TNFRSF1A: variants seen among roughly 807,000 people sequenced by gnomAD.
TNFRSF1A encodes the protein tumor necrosis factor receptor superfamily member 1A.
TNFRSF1A carries 9 observed loss-of-function variants against 41.6 expected under a neutral mutation model. That is an observed-to-expected ratio of 0.22 (90% confidence interval 0.13 to 0.38). The LOEUF (loss-of-function observed/expected upper bound fraction) is 0.38, where lower values mean the gene tolerates loss of function less well. TNFRSF1A is among the 10% of genes least tolerant of loss of function. TNFRSF1A has a pLI of 1.00. For missense variants in TNFRSF1A, 463 were observed against 591.5 expected, an observed-to-expected ratio of 0.78 and a Z score of 2.25; for synonymous variants, 254 against 248.6, an observed-to-expected ratio of 1.02 and a Z score of -0.21.
At position 6,333,131 on chromosome 12, in the gene TNFRSF1A, G is replaced by A. The variant is rs1948071514; in HGVS notation, c.489C>T (p.Asn163=). Residue 163 remains asparagine (N), a synonymous_variant, in exon 5 of 10, where the codon AAC becomes AAT. Transcript: ENST00000162749. This position sits in a 1 kb window ranked among gnomAD's most constrained non-coding sequence, Gnocchi z 6.3. ...AACCTGCATGGCAGGTGCACACGGT[G>A]TTCTGTTTCTCCTGGCCTGTAGGGA... ...TVHLSCQEKQ[N]TVCTCHAGFF... is the part of the protein sequence containing the mutation. 6.2e-7 allele frequency: 1 copy of A among 1,614,252 alleles called. No homozygotes were observed. Among genetic ancestry groups the A allele is most frequent in the Non-Finnish European group, 8.5e-7 (1 of 1,180,046 alleles).
chr12:6,339,239 C>T (rs1012522799), intron 1 of TNFRSF1A, among the ~76,000 whole-genome samples: 1 of 152,174 alleles, frequency 6.6e-6, no homozygotes, highest in South Asian at 2.1e-4. Flanking sequence ...TTATAGCTAC[C>T]CTGACAGGCA....
chr12:6,330,137 G>A, intron 8 of TNFRSF1A, 71 bp from the exon 9 acceptor site: 1 of 1,610,912 alleles, frequency 6.2e-7, no homozygotes, highest in South Asian at 1.1e-5. Flanking sequence ...TATTCTACGT[G>A]GGGGTTGGGA....
chr12:6,340,721 G>T (rs1412403919), intron 1 of TNFRSF1A, among the ~76,000 whole-genome samples: 1 of 152,176 alleles, frequency 6.6e-6, no homozygotes, highest in Non-Finnish European at 1.5e-5. Flanking sequence ...AAGAGTATAA[G>T]GCACTAAAGA....
chr12:6,330,727 G>T lies in TNFRSF1A; in HGVS notation c.626-16C>A. The T allele has an allele frequency of 1.2e-6, 2 of 1,607,624 alleles. No individual in the cohort carries two copies. Among genetic ancestry groups the T allele is most frequent in the Non-Finnish European group, 1.7e-6 (2 of 1,174,136 alleles). The stretch of plus-strand genomic sequence containing the variant: ...ACTGTGGTGCCTGCAGACAAAGCAG[G>T]TGTTGGTCAGAGGAGCGGGCAGAGG... On this transcript the variant is annotated splice_polypyrimidine_tract_variant and intron_variant, in intron 6 of 9. Coordinates refer to ENST00000162749, the MANE Select transcript of TNFRSF1A (RefSeq NM_001065.4).
chr12:6,341,304 T>C lies in TNFRSF1A; in HGVS notation c.39+472A>G, dbSNP rs1948191645. On this transcript the variant is annotated intron_variant, in intron 1 of 9. Transcript: ENST00000162749. The surrounding 1 kb of genome is among the most constrained non-coding windows in gnomAD (Gnocchi z 4.6). The stretch of plus-strand genomic sequence containing the variant: ...CGCCAAAATCCTGCCCTACAGGGTG[T>C]GCTCCACCAAGTTCCACAGGCAGCC... Among the ~76,000 whole-genome samples, 1 of 152,088 alleles carries C rather than the reference T, an allele frequency of 6.6e-6. No individual in the cohort carries two copies. The highest frequency in any genetic ancestry group is 2.4e-5 in the African/African-American group (1 of 41,420).
chr12:6,337,997 TC>T lies in TNFRSF1A; in HGVS notation c.40-3754del, dbSNP rs34145452. On this transcript the variant is annotated intron_variant, in intron 1 of 9. Coordinates refer to ENST00000162749, the MANE Select transcript of TNFRSF1A (RefSeq NM_001065.4). The surrounding 1 kb of genome is among the most constrained non-coding windows in gnomAD (Gnocchi z 4.6). ...TCTCCGGGGGAGAGTTTTCAGACCA[TC>T]CCCCCACCTCCCCACACACAAGCAC... Among the ~76,000 whole-genome samples the T allele has an allele frequency of 6.6e-6, 1 of 151,820 alleles. No homozygotes were observed. The highest frequency in any genetic ancestry group is 1.5e-5 in the Non-Finnish European group (1 of 67,942).
At chr12:6,330,175 A>G (rs755581100) in intron 8 of TNFRSF1A, 92 bp downstream of exon 8, 2 of 1,612,474 alleles carry the variant, frequency 1.2e-6, no homozygotes, top group Non-Finnish European at 1.7e-6. Flanking sequence ...GAGCCCCCGG[A>G]AAGTGAAGGA....
chr12:6,329,809 CT>C lies in TNFRSF1A; in HGVS notation c.1025del (p.Glu342GlyfsTer10). 6.2e-7 allele frequency: 1 copy of C among 1,603,662 alleles called. No homozygotes were observed. Among genetic ancestry groups the C allele is most frequent in the Non-Finnish European group, 8.5e-7 (1 of 1,176,568 alleles). On this transcript the variant is annotated frameshift_variant, in exon 9 of 10. Transcript: ENST00000162749. LOFTEE classifies it low-confidence loss of function (END_TRUNC). ...DPIPNPLQKWEDSAHKPQSLD... is the reference protein window; with the variant it reads ...DPIPNPLQKWXDSAHKPQSLD... ...GGCTCTGTGGCTTGTGGGCGCTGTC[CT>C]CCCACTTCTGAAGGGGGTTGGGGAT...
intron 9 of TNFRSF1A, 30 bp downstream of exon 9, chr12:6,329,748 T>C (rs1948011039): frequency 6.3e-7 from 1 of 1,584,714 alleles, no homozygotes; most frequent in Non-Finnish European, 8.6e-7. Context: ...TCCCCCAGCC[T>C]CCTCGTCTCC....
Position 6,334,137 on chromosome 12 carries a change from A to G in TNFRSF1A, c.147T>C (p.Tyr49=), listed in dbSNP as rs150511666. The G allele has an allele frequency of 1.9e-4, 301 of 1,614,058 alleles. 1 individual carries two copies. The highest frequency in any genetic ancestry group is 2.4e-4 in the Non-Finnish European group (289 of 1,180,034). ...KRDSVCPQGK[Y]IHPQNNSICC... ...AAATCGAATTATTTTGAGGGTGGAT[A>G]TATTTTCCTTGGGGACACACACTAT... Residue 49 remains tyrosine, a synonymous_variant, in exon 2 of 10, where the codon TAT becomes TAC. Coordinates refer to ENST00000162749, the MANE Select transcript of TNFRSF1A (RefSeq NM_001065.4). This position sits in a 1 kb window ranked among gnomAD's most constrained non-coding sequence, Gnocchi z 5.1.
At chr12:6,330,129 T>C (rs544478809) in intron 8 of TNFRSF1A, 63 bp from the exon 9 acceptor site, 4 of 1,612,328 alleles carry the variant, frequency 2.5e-6, no homozygotes, top group South Asian at 2.2e-5. Flanking sequence ...GCCCTCTTTA[T>C]TCTACGTGGG....
intron 1 of TNFRSF1A, among the ~76,000 whole-genome samples, chr12:6,336,638 C>G (rs1948123544): frequency 6.6e-6 from 1 of 152,190 alleles, no homozygotes; most frequent in Non-Finnish European, 1.5e-5. Flanking sequence ...AAGTCTCCCT[C>G]GACCCTGGCT....
In TNFRSF1A at chr12:6,329,232, AC is replaced by A; in HGVS notation, c.*79del. On this transcript the variant is annotated 3_prime_UTR_variant, in exon 10 of 10. Coordinates refer to ENST00000162749, the MANE Select transcript of TNFRSF1A (RefSeq NM_001065.4). ...GCTAGCTCCTGCTTGCCCCTGCAGG[AC>A]CCCTCCTTTCCAGAAAAAAGTGGGG... 7.3e-7 allele frequency: 1 copy of A among 1,367,856 alleles called. No individual in the cohort carries two copies. Among genetic ancestry groups the A allele is most frequent in the Non-Finnish European group, 9.6e-7 (1 of 1,044,596 alleles). 84.7% of individuals were successfully genotyped at this position (1,367,856 alleles called of 1,614,324 possible).
rs104895276 is a variant in TNFRSF1A at position 6,333,478 on chromosome 12, G to C, written c.361C>G (p.Arg121Gly). Reference sequence around the variant, plus strand: ...TTCCTGCAGCCACACACGGTGTCCCGGTCCACTGTGCAAGAAGAGATCTCC... The same window carrying C: ...TTCCTGCAGCCACACACGGTGTCCCCGTCCACTGTGCAAGAAGAGATCTCC... Reference protein sequence around the residue: ...QVEISSCTVDRDTVCGCRKNQ... With the variant: ...QVEISSCTVDGDTVCGCRKNQ... Residue 121 changes from arginine (R) to glycine (G), a missense_variant, in exon 4 of 10, where the codon CGG (arginine) becomes GGG (glycine). This residue lies in a region of TNFRSF1A where 149 missense variants were observed against 239.4 expected (regional missense o/e 0.62). Transcript: ENST00000162749. This position sits in a 1 kb window ranked among gnomAD's most constrained non-coding sequence, Gnocchi z 6.3. The C allele has an allele frequency of 3.1e-6, 5 of 1,613,234 alleles. No individual in the cohort carries two copies. The highest frequency in any genetic ancestry group is 4.2e-6 in the Non-Finnish European group (5 of 1,179,782).
At position 6,333,654 on chromosome 12, in the gene TNFRSF1A, G is replaced by T; in HGVS notation, c.322+83C>A. 1 of 1,564,606 alleles carries T rather than the reference G, an allele frequency of 6.4e-7. No individual in the cohort carries two copies. Among genetic ancestry groups the T allele is most frequent in the Non-Finnish European group, 8.7e-7 (1 of 1,153,794 alleles). ...GTCCCACCAAAACACACACCTTCCT[G>T]CCCACACCCACCAGCCTGCACATAG... is the stretch of plus-strand genomic sequence containing the variant. On this transcript the variant is annotated intron_variant, in intron 3 of 9. Transcript: ENST00000162749. The surrounding 1 kb of genome is among the most constrained non-coding windows in gnomAD (Gnocchi z 6.3).
intron 5 of TNFRSF1A, 69 bp from the exon 6 acceptor site, chr12:6,330,995 A>C (rs1366296544): frequency 7.7e-7 from 1 of 1,297,700 alleles, no homozygotes; most frequent in Non-Finnish European, 1.1e-6. Flanking sequence ...ACAACCACAC[A>C]GATTGTTGGA....
chr12:6,329,739 C>T (rs762167049), intron 9 of TNFRSF1A, 39 bp downstream of exon 9: 3 of 1,577,526 alleles, frequency 1.9e-6, no homozygotes, highest in Non-Finnish European at 2.6e-6. Flanking sequence ...CCCCGGCCCT[C>T]CCCCAGCCTC....
In TNFRSF1A at chr12:6,329,777, C is replaced by CTGTCTA. The variant is rs745374162; in HGVS notation, c.1052_1057dup (p.Asp352_Thr353insIleAsp). On this transcript the variant is annotated inframe_insertion and splice_region_variant. Transcript: ENST00000162749. ...CGTCTCCAGCCGCGGGAGAAACTCA[C>CTGTCTA]TGTCTAGGCTCTGTGGCTTGTGGGC... 1.9e-6 allele frequency: 3 copies of CTGTCTA among 1,602,436 alleles called. No individual in the cohort carries two copies. Among genetic ancestry groups the CTGTCTA allele is most frequent in the Non-Finnish European group, 2.6e-6 (3 of 1,175,326 alleles).
chr12:6,330,398 C>T (rs759962397), intron 7 of TNFRSF1A, 103 bp from the exon 8 acceptor site: 3 of 1,200,834 alleles, frequency 2.5e-6, no homozygotes, highest in Non-Finnish European at 3.7e-6. Flanking sequence ...TGCCTCAGGG[C>T]CTATGTGGCC....
Sources: allele counts gnomAD v4.1 joint callset (sites outside exome capture counted in the v4.1 genomes callset), GRCh38; gene constraint gnomAD v4.1.1; regional missense constraint gnomAD v4.1.1; non-coding constraint Gnocchi (gnomAD v3.1); transcripts MANE v1.5; gene names NCBI Gene and HGNC (gene_info 2026-07-23, HGNC 2026-07-21).